CSNK2A2IP: variants seen among roughly 807,000 people sequenced by gnomAD.
CSNK2A2IP encodes the protein casein kinase II subunit alpha'-interacting protein.
At chr3:88,383,961 C>T in the CSNK2A2IP span, among the ~76,000 whole-genome samples, 3 of 152,266 alleles carry the variant, frequency 2.0e-5, no homozygotes, top group South Asian at 6.2e-4. Flanking sequence ...CTGCGCCGGG[C>T]TTCTTCTTAT....
the CSNK2A2IP span, among the ~76,000 whole-genome samples, chr3:88,352,219 A>G: frequency 0.015 from 2,349 of 152,184 alleles, 58 homozygotes; most frequent in African/African-American, 0.052. Context: ...TCTCTCATCT[A>G]TCTACCTATC....
the CSNK2A2IP span, chr3:88,343,090 C>T: frequency 1.3e-5 from 2 of 151,972 alleles, no homozygotes; most frequent in South Asian, 4.1e-4. Flanking sequence ...TTGCTGCTGA[C>T]AATGCCCAGA....
chr3:88,379,410 T>C, the CSNK2A2IP span, among the ~76,000 whole-genome samples: 1 of 152,132 alleles, frequency 6.6e-6, no homozygotes, highest in African/African-American at 2.4e-5. Flanking sequence ...ACATATTTTC[T>C]ACAGGCATTC....
At chr3:88,394,473 A>G in the CSNK2A2IP span, among the ~76,000 whole-genome samples, 2 of 152,196 alleles carry the variant, frequency 1.3e-5, no homozygotes, top group African/African-American at 4.8e-5. Context: ...CCTGGGTTCA[A>G]GTGATTATCC....
the CSNK2A2IP span, among the ~76,000 whole-genome samples, chr3:88,408,608 A>C: frequency 6.6e-6 from 1 of 152,058 alleles, no homozygotes; most frequent in South Asian, 2.1e-4. Flanking sequence ...TTACTTTATT[A>C]ACATAAAGTA....
At chr3:88,428,592 G>A in the CSNK2A2IP span, among the ~76,000 whole-genome samples, 5 of 152,218 alleles carry the variant, frequency 3.3e-5, no homozygotes, top group African/African-American at 4.8e-5. Context: ...TGCTGTTCTC[G>A]TGATAGTGAG....
the CSNK2A2IP span, among the ~76,000 whole-genome samples, chr3:88,421,643 C>T: frequency 6.6e-6 from 1 of 152,106 alleles, no homozygotes; most frequent in Non-Finnish European, 1.5e-5. Flanking sequence ...TCTCGAACTC[C>T]TAACCTCAGA....
chr3:88,423,904 G>A, the CSNK2A2IP span, among the ~76,000 whole-genome samples: 1 of 152,060 alleles, frequency 6.6e-6, no homozygotes, highest in East Asian at 1.9e-4. Flanking sequence ...AAAAAAATGA[G>A]CAAACTTAAA....
At chr3:88,378,951 TA>T in the CSNK2A2IP span, among the ~76,000 whole-genome samples, 7 of 152,098 alleles carry the variant, frequency 4.6e-5, no homozygotes, top group African/African-American at 1.7e-4. Flanking sequence ...AAACATAAAA[TA>T]AATGCTTATC....
chr3:88,340,782 G>A, the CSNK2A2IP span, among the ~76,000 whole-genome samples: 23 of 152,008 alleles, frequency 1.5e-4, no homozygotes, highest in African/African-American at 5.5e-4. Flanking sequence ...CACCTGAACA[G>A]CTTTATCTTG....
chr3:88,353,708 T>C, the CSNK2A2IP span, among the ~76,000 whole-genome samples: 1 of 152,222 alleles, frequency 6.6e-6, no homozygotes, highest in South Asian at 2.1e-4. Flanking sequence ...AATTACACTC[T>C]AATCATATCT....
chr3:88,463,076 T>C, the CSNK2A2IP span, among the ~76,000 whole-genome samples: 878 of 152,268 alleles, frequency 5.8e-3, 6 homozygotes, highest in African/African-American at 0.02. Context: ...CTAGCAATGA[T>C]AGAGTTGATA....
chr3:88,410,011 T>G, the CSNK2A2IP span, among the ~76,000 whole-genome samples: 1 of 152,054 alleles, frequency 6.6e-6, no homozygotes, highest in Admixed American at 6.6e-5. Context: ...ACAAGAGACC[T>G]TTCACCCAAC....
the CSNK2A2IP span, among the ~76,000 whole-genome samples, chr3:88,404,989 T>C: frequency 1.3e-5 from 2 of 152,178 alleles, no homozygotes; most frequent in African/African-American, 2.4e-5. Context: ...TCCACCATTC[T>C]TTAGGTGACG....
chr3:88,352,467 A>C, the CSNK2A2IP span, among the ~76,000 whole-genome samples: 1 of 152,190 alleles, frequency 6.6e-6, no homozygotes. Flanking sequence ...TGAAAGATAT[A>C]TTTGAGGTTT....
At chr3:88,415,040 C>T in the CSNK2A2IP span, among the ~76,000 whole-genome samples, 4 of 151,754 alleles carry the variant, frequency 2.6e-5, no homozygotes, top group Admixed American at 6.6e-5. Flanking sequence ...CACACACACA[C>T]AAATATTTAA....
the CSNK2A2IP span, among the ~76,000 whole-genome samples, chr3:88,349,636 T>TG: frequency 7.3e-4 from 111 of 152,164 alleles, no homozygotes; most frequent in African/African-American, 2.5e-3. Flanking sequence ...ACTTCTTTTT[T>TG]GGGGGGTAGA....
At chr3:88,355,257 G>C in the CSNK2A2IP span, among the ~76,000 whole-genome samples, 1 of 152,128 alleles carries the variant, frequency 6.6e-6, no homozygotes, top group Non-Finnish European at 1.5e-5. Flanking sequence ...ATTTCAAAAA[G>C]TTTGGATAAA....
the CSNK2A2IP span, among the ~76,000 whole-genome samples, chr3:88,373,358 A>G: frequency 1.3e-5 from 2 of 151,560 alleles, no homozygotes; most frequent in Non-Finnish European, 3.0e-5. Context: ...TTGAAAGTCA[A>G]CTAATAAACT....
Sources: allele counts gnomAD v4.1 joint callset (sites outside exome capture counted in the v4.1 genomes callset), GRCh38; gene constraint gnomAD v4.1.1; transcripts MANE v1.5; gene names NCBI Gene and HGNC (gene_info 2026-07-23, HGNC 2026-07-21).